Variants in THSD7B observed in about 807,000 individuals in gnomAD.
THSD7B encodes thrombospondin type-1 domain-containing protein 7B.
Under a neutral mutation model 213.6 loss-of-function variants are expected in THSD7B, and 138 were observed. That is an observed-to-expected ratio of 0.65 (90% CI 0.56 to 0.74). The LOEUF is 0.74. Ranked by LOEUF, THSD7B falls within the 30% of genes least tolerant of loss-of-function variation. THSD7B has a pLI of 0.00. For missense variants in THSD7B, 1,931 were observed against 1,991.5 expected (o/e 0.97, Z 0.58); for synonymous variants, 742 against 687.0 (o/e 1.08, Z -1.25).
At chr2:137,621,354 G>A (rs1181056256) in intron 20 of THSD7B, among the ~76,000 whole-genome samples, 1 of 152,178 alleles carries the variant, frequency 6.6e-6, no homozygotes, top group East Asian at 1.9e-4. Flanking sequence ...TACTTTCTGG[G>A]TAGTCAGTCA....
intron 15 of THSD7B, among the ~76,000 whole-genome samples, chr2:137,487,374 CAAAAAAAAAA>C (rs35759254): frequency 3.0e-5 from 1 of 33,166 alleles, no homozygotes; most frequent in Non-Finnish European, 4.8e-5. Flanking sequence ...GACTCCGTCT[CAAAAAAAAAA>C]AAAAAAAAAA....
In THSD7B at chr2:137,079,376, A is replaced by G. The variant is rs111469402; in HGVS notation, c.951-15497A>G. Among the ~76,000 whole-genome samples, 1,192 of 152,070 alleles carry G rather than the reference A, an allele frequency of 7.8e-3. 15 individuals carry two copies. The highest frequency in any genetic ancestry group is 0.028 in the African/African-American group (1,146 of 41,480). ...TTTCTATTTTTCCAGCATCTTCTGT[A>G]TTTTTCTACACATAGTTGCTGTTAT... On this transcript the variant is annotated intron_variant, in intron 3 of 27. Coordinates refer to ENST00000409968, the MANE Select transcript of THSD7B (RefSeq NM_001316349.2).
At chr2:137,249,500 C>A (rs775232111) in intron 10 of THSD7B, among the ~76,000 whole-genome samples, 1 of 151,944 alleles carries the variant, frequency 6.6e-6, no homozygotes, top group African/African-American at 2.4e-5. Context: ...TCAGTCCAGA[C>A]TCTTTCCTCT....
intron 12 of THSD7B, among the ~76,000 whole-genome samples, chr2:137,293,614 C>T (rs1683390634): frequency 6.6e-6 from 1 of 152,034 alleles, no homozygotes; most frequent in East Asian, 1.9e-4. Flanking sequence ...CCTCAATATT[C>T]CCAACTTGTT....
chr2:137,395,713 G>C (rs531430973), intron 12 of THSD7B, among the ~76,000 whole-genome samples: 164 of 152,116 alleles, frequency 1.1e-3, no homozygotes, highest in African/African-American at 3.8e-3. Flanking sequence ...TTTTTCTATT[G>C]ATTGGAATAG....
intron 1 of THSD7B, among the ~76,000 whole-genome samples, chr2:136,830,451 C>G (rs887953299): frequency 3.9e-5 from 6 of 151,984 alleles, no homozygotes; most frequent in African/African-American, 1.4e-4. Context: ...TTTATTGCCT[C>G]TTGGGGGTTC....
chr2:136,912,604 C>G (rs1007991546), intron 2 of THSD7B, among the ~76,000 whole-genome samples: 1 of 152,122 alleles, frequency 6.6e-6, no homozygotes, highest in Non-Finnish European at 1.5e-5. Context: ...AGAATTCCCA[C>G]GTGTTGTAGG....
At chr2:137,014,529 G>T (rs2104837226) in intron 2 of THSD7B, among the ~76,000 whole-genome samples, 1 of 152,270 alleles carries the variant, frequency 6.6e-6, no homozygotes, top group Admixed American at 6.5e-5. Flanking sequence ...TTTTCTTAAA[G>T]GCATTCCTGT....
intron 15 of THSD7B, among the ~76,000 whole-genome samples, chr2:137,500,875 G>T (rs1451756276): frequency 6.6e-6 from 1 of 152,162 alleles, no homozygotes; most frequent in Non-Finnish European, 1.5e-5. Context: ...CTTGGTAATT[G>T]CACCAGAAAG....
intron 20 of THSD7B, among the ~76,000 whole-genome samples, chr2:137,632,221 A>AT (rs1682755214): frequency 6.6e-6 from 1 of 152,198 alleles, no homozygotes; most frequent in Non-Finnish European, 1.5e-5. Context: ...TTATAGATAT[A>AT]TTTGAGAATA....
At position 137,222,307 on chromosome 2, in the gene THSD7B, A is replaced by G. The variant is rs1421268823; in HGVS notation, c.1724-8737A>G. The stretch of plus-strand genomic sequence containing the variant: ...CCAGCGTCACATTTTGGTAAATGTC[A>G]AAAGCAGAACTGAAATCCAGACGTC... On this transcript the variant is annotated intron_variant, in intron 7 of 27. Transcript: ENST00000409968. 5.3e-5 allele frequency among the ~76,000 whole-genome samples: 8 copies of G among 152,332 alleles called. No individual in the cohort carries two copies. In the East Asian group the frequency reaches 1.5e-3, roughly 29 times the overall value.
At chr2:136,991,479 T>C (rs1685783327) in intron 2 of THSD7B, among the ~76,000 whole-genome samples, 2 of 152,170 alleles carry the variant, frequency 1.3e-5, no homozygotes, top group Admixed American at 1.3e-4. Flanking sequence ...ACCTTTTTTT[T>C]GTCATGAATA....
chr2:136,774,579 T>C (rs1681567247), intron 1 of THSD7B, among the ~76,000 whole-genome samples: 1 of 152,120 alleles, frequency 6.6e-6, no homozygotes, highest in Admixed American at 6.6e-5. Context: ...ATGTGAAACA[T>C]TTTAATAATT....
intron 20 of THSD7B, among the ~76,000 whole-genome samples, chr2:137,626,889 A>G (rs1215807204): frequency 6.6e-6 from 1 of 152,198 alleles, no homozygotes; most frequent in Non-Finnish European, 1.5e-5. Context: ...ATTTCCAACA[A>G]TTCACTCCTG....
intron 12 of THSD7B, among the ~76,000 whole-genome samples, chr2:137,364,150 A>T (rs1200491300): frequency 1.3e-5 from 2 of 152,248 alleles, no homozygotes; most frequent in Admixed American, 6.5e-5. Flanking sequence ...CCACATGATT[A>T]TCTCAAAAGA....
In THSD7B at chr2:137,039,702, G is replaced by A. The variant is rs141875460; in HGVS notation, c.140-16718G>A. 1.7e-3 allele frequency among the ~76,000 whole-genome samples: 255 copies of A among 152,308 alleles called. 3 individuals are homozygous for A. The highest frequency in any genetic ancestry group is 6.8e-3 in the Middle Eastern group (2 of 294). On this transcript the variant is annotated intron_variant, in intron 2 of 27. Coordinates refer to ENST00000409968, the MANE Select transcript of THSD7B (RefSeq NM_001316349.2). ...TGAAGATTAAAGCAAACAGTGTCCT[G>A]CTGAAGGTCACACAGTGCTGAATGG...
chr2:137,378,273 G>T (rs551206441), intron 12 of THSD7B, among the ~76,000 whole-genome samples: 1 of 152,160 alleles, frequency 6.6e-6, no homozygotes, highest in Non-Finnish European at 1.5e-5. Flanking sequence ...TTCAATATAG[G>T]TTTTAATATT....
intron 15 of THSD7B, among the ~76,000 whole-genome samples, chr2:137,483,282 A>G (rs993157870): frequency 2.0e-5 from 3 of 152,176 alleles, no homozygotes; most frequent in Non-Finnish European, 2.9e-5. Flanking sequence ...TTTTTTGTAA[A>G]TGAAGAAAGT....
intron 2 of THSD7B, among the ~76,000 whole-genome samples, chr2:136,984,623 G>A (rs1186840208): frequency 6.6e-6 from 1 of 152,068 alleles, no homozygotes; most frequent in African/African-American, 2.4e-5. Context: ...CTAGCATCAG[G>A]TATTTCTTTA....
Sources: allele counts gnomAD v4.1 joint callset (sites outside exome capture counted in the v4.1 genomes callset), GRCh38; gene constraint gnomAD v4.1.1; transcripts MANE v1.5; gene names NCBI Gene and HGNC (gene_info 2026-07-23, HGNC 2026-07-21).